Variants in PDE4D observed in about 807,000 individuals in gnomAD.
PDE4D encodes the protein 3',5'-cyclic-AMP phosphodiesterase 4D.
PDE4D carries 24 observed loss-of-function variants against 87.4 expected under a neutral mutation model. That is an observed-to-expected ratio of 0.27 (90% confidence interval 0.20 to 0.39). PDE4D has a LOEUF of 0.39. Among genes scored for constraint, PDE4D ranks in the 10% least tolerant of loss-of-function variants. The probability of loss-of-function intolerance (pLI) is 1.00; values close to 1 mark genes in which losing one functional copy is unlikely to be tolerated. For synonymous variants in PDE4D, 384 were observed against 383.2 expected, an observed-to-expected ratio of 1.00 and a Z score of -0.02; for missense variants, 714 against 1,041.0, an observed-to-expected ratio of 0.69 and a Z score of 4.32.
chr5:59,337,063 A>G (rs577828237), intron 1 of PDE4D, among the ~76,000 whole-genome samples: 10 of 152,342 alleles, frequency 6.6e-5, no homozygotes, highest in African/African-American at 2.4e-4. Context: ...TATAGCAAGA[A>G]CAAAGGTTTT....
At chr5:59,218,249 A>AC (rs996677505) in intron 1 of PDE4D, among the ~76,000 whole-genome samples, 3 of 152,016 alleles carry the variant, frequency 2.0e-5, no homozygotes, top group Non-Finnish European at 4.4e-5. Context: ...AAAAGAAAAT[A>AC]CCCCCTCCTT....
At chr5:60,072,595 G>A (rs1582508761) in intron 2 of PDE4D, among the ~76,000 whole-genome samples, 1 of 152,050 alleles carries the variant, frequency 6.6e-6, no homozygotes, top group Non-Finnish European at 1.5e-5. Flanking sequence ...CCTATGTCTG[G>A]AATGGTATTG....
chr5:59,043,645 T>C (rs1371314309), intron 5 of PDE4D, among the ~76,000 whole-genome samples: 3 of 152,186 alleles, frequency 2.0e-5, no homozygotes, highest in Non-Finnish European at 4.4e-5. Flanking sequence ...CATGTTGGTG[T>C]GCTGCACCCA....
chr5:59,877,376 A>G (rs1748746726), intron 1 of PDE4D, among the ~76,000 whole-genome samples: 1 of 152,128 alleles, frequency 6.6e-6, no homozygotes, highest in South Asian at 2.1e-4. Context: ...AGGATAAAAA[A>G]GCTTAAACAA....
chr5:60,312,253 C>T (rs780249370), intron 1 of PDE4D, among the ~76,000 whole-genome samples: 2 of 152,200 alleles, frequency 1.3e-5, no homozygotes, highest in Non-Finnish European at 2.9e-5. Flanking sequence ...ACATTATTCT[C>T]ATCTGCACAT....
intron 2 of PDE4D, among the ~76,000 whole-genome samples, chr5:60,161,214 A>T (rs942885145): frequency 6.6e-6 from 1 of 152,032 alleles, no homozygotes; most frequent in African/African-American, 2.4e-5. Context: ...TCTCTACCTC[A>T]TACTATTTAA....
chr5:59,178,418 G>A (rs556498088), intron 5 of PDE4D, among the ~76,000 whole-genome samples: 2 of 152,258 alleles, frequency 1.3e-5, no homozygotes, highest in Admixed American at 1.3e-4. Context: ...TTGTGGGTAC[G>A]AATGAGGCCA....
intron 5 of PDE4D, among the ~76,000 whole-genome samples, chr5:59,072,513 C>T (rs1183500635): frequency 6.6e-6 from 1 of 152,206 alleles, no homozygotes; most frequent in African/African-American, 2.4e-5. Flanking sequence ...CCCCCCTTGT[C>T]TAGGGACGGT....
At chr5:60,337,353 ATATATATATAT>A (rs1757873760) in intron 1 of PDE4D, among the ~76,000 whole-genome samples, 17 of 86,260 alleles carry the variant, frequency 2.0e-4, no homozygotes, top group Admixed American at 6.1e-4. Flanking sequence ...CAAACAAACT[ATATATATATAT>A]ATATATATAT....
chr5:59,300,899 G>C (rs1381617827), intron 1 of PDE4D, among the ~76,000 whole-genome samples: 1 of 152,160 alleles, frequency 6.6e-6, no homozygotes, highest in Non-Finnish European at 1.5e-5. Flanking sequence ...TTAATTTGCT[G>C]GAGTGGCTCA....
intron 2 of PDE4D, among the ~76,000 whole-genome samples, chr5:60,012,186 T>G (rs1765081200): frequency 6.6e-6 from 1 of 152,180 alleles, no homozygotes; most frequent in Admixed American, 6.5e-5. Flanking sequence ...ATAATTGAAA[T>G]CTTTAAAAGA....
intron 1 of PDE4D, among the ~76,000 whole-genome samples, chr5:59,639,936 CT>C (rs111495519): frequency 0.015 from 1,972 of 127,856 alleles, 25 homozygotes; most frequent in Admixed American, 0.045. Context: ...TGTAACAGTT[CT>C]TTTTTTTTTT....
At chr5:59,617,342 A>G (rs1034218413) in intron 1 of PDE4D, among the ~76,000 whole-genome samples, 2 of 152,140 alleles carry the variant, frequency 1.3e-5, no homozygotes, top group African/African-American at 4.8e-5. Flanking sequence ...GGACTCTAAA[A>G]TAAGAGATTA....
chr5:60,253,500 G>A (rs941626005), intron 1 of PDE4D, among the ~76,000 whole-genome samples: 1 of 151,852 alleles, frequency 6.6e-6, no homozygotes, highest in Non-Finnish European at 1.5e-5. Context: ...GGAATATTAG[G>A]TTGTCCCTTT....
chr5:59,139,263 A>C (rs1381123224), intron 5 of PDE4D, among the ~76,000 whole-genome samples: 1 of 152,196 alleles, frequency 6.6e-6, no homozygotes, highest in Non-Finnish European at 1.5e-5. Flanking sequence ...ATCTCACACA[A>C]TTACTCCAGT....
chr5:59,966,919 A>T (rs55839350), intron 3 of PDE4D, among the ~76,000 whole-genome samples: 49,991 of 152,038 alleles, frequency 0.33, 8,732 homozygotes, highest in African/African-American at 0.41. Flanking sequence ...CTAGCAGAGA[A>T]CTTTTATAGT....
chr5:59,756,891 A>G (rs1761321988), intron 1 of PDE4D, among the ~76,000 whole-genome samples: 1 of 143,630 alleles, frequency 7.0e-6, no homozygotes, highest in East Asian at 2.0e-4. Context: ...TCCGCCTCCT[A>G]GGTTCCAGCG....
At chr5:59,738,491 C>T (rs1758393149) in intron 1 of PDE4D, among the ~76,000 whole-genome samples, 1 of 151,922 alleles carries the variant, frequency 6.6e-6, no homozygotes, top group Non-Finnish European at 1.5e-5. Context: ...GGAACTGTCT[C>T]TTTTGAATAC....
chr5:59,802,786 A>C (rs570403415), intron 1 of PDE4D, among the ~76,000 whole-genome samples: 67 of 152,272 alleles, frequency 4.4e-4, no homozygotes, highest in South Asian at 2.5e-3. Context: ...AGCAGGGGCT[A>C]TAAGGATGAA....
Sources: gnomAD v4.1 joint callset for allele counts (sites outside exome capture counted in the v4.1 genomes callset) on GRCh38, gnomAD v4.1.1 for gene constraint, MANE v1.5 for transcripts, NCBI Gene and HGNC (gene_info 2026-07-23, HGNC 2026-07-21) for gene names.